The following DOCK3 variants were observed in gnomAD, a reference collection of about 807,000 sequenced individuals.
DOCK3 encodes the protein dedicator of cytokinesis 3.
In DOCK3, 60 loss-of-function variants were observed where a neutral mutation model predicts 265.6. The ratio of observed to expected loss-of-function variants is 0.23; its 90% confidence interval spans 0.18 to 0.28. The LOEUF is 0.28. Ranked by LOEUF, DOCK3 falls within the 10% of genes least tolerant of loss-of-function variation. The pLI is 1.00. For synonymous variants in DOCK3, 881 were observed against 938.0 expected, an observed-to-expected ratio of 0.94 and a Z score of 1.11; for missense variants, 1,981 against 2,594.3, an observed-to-expected ratio of 0.76 and a Z score of 5.14.
chr3:51,290,215 G>A (rs918658782), intron 27 of DOCK3, among the ~76,000 whole-genome samples: 30 of 152,082 alleles, frequency 2.0e-4, no homozygotes, highest in Admixed American at 1.0e-3. Flanking sequence ...AAATCATGCT[G>A]CTATAAAGGC....
intron 32 of DOCK3, among the ~76,000 whole-genome samples, chr3:51,315,962 G>A (rs1473020875): frequency 6.6e-6 from 1 of 152,188 alleles, no homozygotes; most frequent in East Asian, 1.9e-4. Flanking sequence ...CTGTAACAGT[G>A]AGAAGTAGAC....
chr3:51,355,969 C>T lies in DOCK3; in HGVS notation c.4250-120C>T. The T allele has an allele frequency of 3.9e-6, 5 of 1,290,074 alleles. No homozygotes were observed. In the Admixed American group the frequency reaches 9.8e-5, roughly 25 times the overall value. 79.9% of individuals were successfully genotyped at this position (1,290,074 alleles called of 1,614,324 possible). On this transcript the variant is annotated intron_variant, in intron 41 of 52. Coordinates refer to ENST00000266037, the MANE Select transcript of DOCK3 (RefSeq NM_004947.5). ...CCTAGAGATGCCACTGCCTCCCCTACTGGGCTGTCAGTAAGGAGCAGGGAC... is the reference window on the plus strand; with the variant it reads ...CCTAGAGATGCCACTGCCTCCCCTATTGGGCTGTCAGTAAGGAGCAGGGAC...
intron 9 of DOCK3, among the ~76,000 whole-genome samples, chr3:51,111,904 G>A (rs1430813081): frequency 6.6e-6 from 1 of 152,126 alleles, no homozygotes; most frequent in Non-Finnish European, 1.5e-5. Context: ...GACATGTACA[G>A]TCACTTTTCA....
chr3:51,333,853 A>ATT (rs112903403), intron 35 of DOCK3, among the ~76,000 whole-genome samples: 9 of 144,666 alleles, frequency 6.2e-5, no homozygotes, highest in African/African-American at 2.0e-4. Context: ...TGGAATAAGA[A>ATT]TTTTTTTTTT....
chr3:50,855,391 G>A (rs1027740351), intron 3 of DOCK3, among the ~76,000 whole-genome samples: 1 of 151,960 alleles, frequency 6.6e-6, no homozygotes, highest in Non-Finnish European at 1.5e-5. Flanking sequence ...GTTGTGTTGT[G>A]TTGTGTTGTG....
intron 4 of DOCK3, among the ~76,000 whole-genome samples, chr3:50,909,131 T>C (rs981377553): frequency 6.6e-6 from 1 of 152,084 alleles, no homozygotes; most frequent in African/African-American, 2.4e-5. Context: ...ATGGGTCTCC[T>C]GAAGACGGCA....
chr3:50,890,967 G>A (rs752993021), intron 4 of DOCK3, among the ~76,000 whole-genome samples: 8 of 152,060 alleles, frequency 5.3e-5, no homozygotes, highest in Non-Finnish European at 7.4e-5. Context: ...TGGAGATACC[G>A]AAACCCAGGA....
chr3:50,743,508 G>A (rs2039216116), intron 1 of DOCK3, among the ~76,000 whole-genome samples: 1 of 148,962 alleles, frequency 6.7e-6, no homozygotes, highest in South Asian at 2.2e-4. Context: ...GATCTACCAA[G>A]CAAATGGAAA....
intron 13 of DOCK3, among the ~76,000 whole-genome samples, chr3:51,212,275 G>A (rs547443733): frequency 3.9e-5 from 6 of 152,282 alleles, no homozygotes; most frequent in Admixed American, 1.3e-4. Context: ...TAGCTCAAAA[G>A]CTAACTGTGA....
intron 19 of DOCK3, among the ~76,000 whole-genome samples, 158 bp from the exon 20 acceptor site, chr3:51,236,187 G>A (rs1172154588): frequency 2.6e-5 from 4 of 152,184 alleles, no homozygotes; most frequent in South Asian, 2.1e-4. Context: ...ACTTAGCTGG[G>A]TGGAGGGTCA....
At chr3:50,934,531 G>GA (rs1214859032) in intron 5 of DOCK3, among the ~76,000 whole-genome samples, 3 of 152,074 alleles carry the variant, frequency 2.0e-5, no homozygotes, top group South Asian at 2.1e-4. Context: ...AAAATTAATA[G>GA]AAAATCTAAT....
chr3:50,903,590 C>T (rs1466496530), intron 4 of DOCK3, among the ~76,000 whole-genome samples: 1 of 152,062 alleles, frequency 6.6e-6, no homozygotes, highest in Non-Finnish European at 1.5e-5. Flanking sequence ...AGGATTTTTG[C>T]ATCAATGTTC....
intron 1 of DOCK3, among the ~76,000 whole-genome samples, chr3:50,763,139 C>A (rs914023725): frequency 3.9e-5 from 6 of 152,184 alleles, no homozygotes; most frequent in Middle Eastern, 3.4e-3. Flanking sequence ...TCTCAATAAA[C>A]CATTGTAAAG....
chr3:51,131,113 A>G (rs990144787), intron 9 of DOCK3, among the ~76,000 whole-genome samples: 12 of 152,112 alleles, frequency 7.9e-5, no homozygotes, highest in Non-Finnish European at 1.0e-4. Flanking sequence ...CAGGAAGCCA[A>G]TGTGGGGGTT....
chr3:50,680,081 C>T (rs576337184), intron 1 of DOCK3, among the ~76,000 whole-genome samples: 1 of 152,218 alleles, frequency 6.6e-6, no homozygotes, highest in African/African-American at 2.4e-5. Flanking sequence ...ACACCGTGTC[C>T]TCTGAAAGGA....
intron 32 of DOCK3, among the ~76,000 whole-genome samples, chr3:51,324,456 T>C (rs975694922): frequency 5.3e-5 from 8 of 152,190 alleles, no homozygotes; most frequent in African/African-American, 1.9e-4. Context: ...TCCATGCTCA[T>C]GGATAAGAAG....
Position 51,357,051 on chromosome 3 carries a change from G to C in DOCK3, c.4593G>C (p.Lys1531Asn). 6.2e-7 allele frequency: 1 copy of C among 1,613,366 alleles called. No homozygotes were observed. The highest frequency in any genetic ancestry group is 8.5e-7 in the Non-Finnish European group (1 of 1,179,894). ...LRSLISQYQHKQVHGNINLLS... is the reference protein window; with the variant it reads ...LRSLISQYQHNQVHGNINLLS... ...CCCTGATCAGCCAGTATCAACACAA[G>C]CAGGTGCATGGCAACATTAACCTGC... is the stretch of plus-strand genomic sequence containing the variant. The change falls in exon 44 of 53, where the codon AAG becomes AAC. Residue 1531 changes from lysine to asparagine, a missense_variant. Physicochemically the swap from Lys to Asn is moderately conservative, Grantham distance 94. Transcript: ENST00000266037.
chr3:50,943,418 G>T (rs1254949351), intron 5 of DOCK3, among the ~76,000 whole-genome samples: 1 of 151,964 alleles, frequency 6.6e-6, no homozygotes, highest in African/African-American at 2.4e-5. Context: ...AATTTAAATA[G>T]TACGTTATAT....
At chr3:50,933,002 GTCACA>G (rs921143531) in intron 4 of DOCK3, among the ~76,000 whole-genome samples, 1 of 152,198 alleles carries the variant, frequency 6.6e-6, no homozygotes, top group African/African-American at 2.4e-5. Context: ...GAGGAGCAAA[GTCACA>G]TCTTACATGG....
Sources: gnomAD v4.1 joint callset for allele counts (sites outside exome capture counted in the v4.1 genomes callset) on GRCh38, gnomAD v4.1.1 for gene constraint, MANE v1.5 for transcripts, NCBI Gene and HGNC (gene_info 2026-07-23, HGNC 2026-07-21) for gene names.